Variants in MAEA observed in about 807,000 individuals in gnomAD.
MAEA encodes the protein E3 ubiquitin-protein transferase MAEA.
In MAEA, 22 loss-of-function variants were observed where a neutral mutation model predicts 46.2. That is an observed-to-expected ratio of 0.48 (90% confidence interval 0.34 to 0.68). The LOEUF is 0.68. MAEA is among the 30% of genes least tolerant of loss of function. The pLI, the probability that MAEA is intolerant of heterozygous loss-of-function variation, is 0.01. For missense variants in MAEA, 393 were observed against 558.1 expected, an observed-to-expected ratio of 0.70 and a Z score of 2.98; for synonymous variants, 246 against 222.6, an observed-to-expected ratio of 1.11 and a Z score of -0.94.
At chr4:1,335,202 G>A (rs192250057) in intron 6 of MAEA, 59 of 985,418 alleles carry the variant, frequency 6.0e-5, no homozygotes, top group Admixed American at 3.7e-4. Flanking sequence ...AACATGGACC[G>A]GTTGTTTTCC....
chr4:1,335,367 A>G (rs968641164), intron 6 of MAEA: 41 of 985,396 alleles, frequency 4.2e-5, no homozygotes, highest in Non-Finnish European at 4.5e-5. Flanking sequence ...TTCACAAGTG[A>G]GTGTAGCAGA....
intron 1 of MAEA, chr4:1,298,228 CCTTT>C (rs1289526990): frequency 2.6e-6 from 1 of 378,266 alleles, no homozygotes; most frequent in African/African-American, 2.1e-5. Context: ...CTCACTGTTT[CCTTT>C]CTTTTACTGG....
Position 1,306,855 on chromosome 4 carries a change from G to A in MAEA, c.70-5124G>A, listed in dbSNP as rs1430078235. On this transcript the variant is annotated intron_variant, in intron 1 of 8. Transcript: ENST00000303400. ...TTGTGTTTAGGTCCGTGATCCATTC[G>A]GAGGCACTTTTCATGGGATGTGAGG... Among the ~76,000 whole-genome samples, 4 of 152,280 alleles carry A rather than the reference G, an allele frequency of 2.6e-5. No individual in the cohort carries two copies. The South Asian group carries it at 8.3e-4, about 32-fold the overall frequency.
rs1415147227 is a variant in MAEA, at chr4:1,312,108, G to A, written c.199G>A (p.Val67Met). ...TLSGCPAVDS[V>M]VSLLDGVVEK... ...GAGCGGCTGCCCCGCCGTGGACTCC[G>A]TGGTCAGCCTGCTGGACGGCGTGGT... is the stretch of plus-strand genomic sequence containing the variant. Residue 67 changes from valine (V) to methionine (M), a missense_variant, in exon 2 of 9, where the codon GTG becomes ATG. Val to Met is a conservative substitution (Grantham distance 21). Transcript: ENST00000303400. 34 of 1,613,778 alleles carry A rather than the reference G, an allele frequency of 2.1e-5. No homozygotes were observed. The highest frequency in any genetic ancestry group is 2.9e-5 in the Non-Finnish European group (34 of 1,180,054).
Position 1,336,929 on chromosome 4 carries a change from C to T in MAEA, c.834C>T (p.His278=), listed in dbSNP as rs1712844234. ...QQFRYDNYRL[H]QLGNNSVFTL... ...TCCGGTACGACAACTACCGACTACA[C>T]CAGCTGGGAAACAATTCTGTGTTCA... The change falls in exon 7 of 9, where the codon CAC becomes CAT. Residue 278 remains histidine (H), a synonymous_variant. Transcript: ENST00000303400. 1 of 1,613,980 alleles carries T rather than the reference C, an allele frequency of 6.2e-7. No homozygotes were observed. The highest frequency in any genetic ancestry group is 1.1e-5 in the South Asian group (1 of 91,090).
At chr4:1,294,679 G>A (rs935609438) in intron 1 of MAEA, among the ~76,000 whole-genome samples, 1 of 152,026 alleles carries the variant, frequency 6.6e-6, no homozygotes, top group African/African-American at 2.4e-5. Flanking sequence ...GGGGAGACAA[G>A]TGAGGCCCCT....
chr4:1,326,901 C>T (rs918322068), intron 4 of MAEA, among the ~76,000 whole-genome samples: 20 of 152,114 alleles, frequency 1.3e-4, no homozygotes, highest in Admixed American at 7.8e-4. Context: ...CCCGCCCTAC[C>T]GACCTGGGTC....
chr4:1,334,576 G>A (rs918650488), intron 6 of MAEA, among the ~76,000 whole-genome samples: 9 of 152,236 alleles, frequency 5.9e-5, no homozygotes, highest in Admixed American at 3.9e-4. Flanking sequence ...CTGAGACTTC[G>A]GGCCTAGGCC....
intron 2 of MAEA, among the ~76,000 whole-genome samples, chr4:1,313,525 A>G (rs1736769252): frequency 6.6e-6 from 1 of 152,116 alleles, no homozygotes. Context: ...CAGGAGTTTG[A>G]GACCAGCCTG....
rs980247004 is a variant in MAEA, at chr4:1,311,325, C to T, written c.70-654C>T. On this transcript the variant is annotated intron_variant, in intron 1 of 8. Coordinates refer to ENST00000303400, the MANE Select transcript of MAEA (RefSeq NM_001017405.3). The surrounding 1 kb of genome is among the most constrained non-coding windows in gnomAD (Gnocchi z 4.4). ...CAAACCGTAGAGCACAGGAAACGGG[C>T]GGAGAAGAACTCAGCAGCGCTTCTC... Among the ~76,000 whole-genome samples the T allele has an allele frequency of 2.0e-5, 3 of 152,234 alleles. No individual in the cohort carries two copies. The highest frequency in any genetic ancestry group is 2.1e-4 in the South Asian group (1 of 4,836).
chr4:1,309,610 C>G, intron 1 of MAEA: 1 of 1,516,502 alleles, frequency 6.6e-7, no homozygotes, highest in Non-Finnish European at 8.8e-7. Context: ...GAGGAGCGTG[C>G]GCAGAGGCGT....
At chr4:1,323,653 C>A (rs775683464) in intron 4 of MAEA, 84 of 700,622 alleles carry the variant, frequency 1.2e-4, no homozygotes, top group Admixed American at 1.1e-3. Context: ...CCCCACACTC[C>A]CTCCCAGAGA....
chr4:1,339,722 A>G lies in MAEA; in HGVS notation c.*553A>G, dbSNP rs534298143. The G allele has an allele frequency of 2.8e-4, 44 of 155,398 alleles. No homozygotes were observed. Among genetic ancestry groups the G allele is most frequent in the Non-Finnish European group, 4.4e-4 (31 of 69,912 alleles). 9.6% of individuals were successfully genotyped at this position (155,398 alleles called of 1,614,324 possible). A position where few individuals can be genotyped will look rare whatever the true frequency, so the allele number is the denominator to read the frequency against. On this transcript the variant is annotated 3_prime_UTR_variant, in exon 9 of 9. Coordinates refer to ENST00000303400, the MANE Select transcript of MAEA (RefSeq NM_001017405.3). Reference sequence around the variant, plus strand: ...CCGCCACCGTCGGGGGCTGGCTTCGAGGACGCCCGCCTGCCTCGCGGGTCG... The same window carrying G: ...CCGCCACCGTCGGGGGCTGGCTTCGGGGACGCCCGCCTGCCTCGCGGGTCG...
chr4:1,325,440 C>T (rs1358112698), intron 4 of MAEA, among the ~76,000 whole-genome samples: 2 of 152,210 alleles, frequency 1.3e-5, no homozygotes, highest in South Asian at 2.1e-4. Context: ...CTAAGTTTCA[C>T]GACATAGACA....
intron 5 of MAEA, chr4:1,328,869 C>G: frequency 9.7e-7 from 1 of 1,034,642 alleles, no homozygotes; most frequent in Non-Finnish European, 1.2e-6. Flanking sequence ...AACGAGGTCC[C>G]TTCTGTGCCT....
chr4:1,306,247 A>C (rs1735819080), intron 1 of MAEA, among the ~76,000 whole-genome samples: 1 of 152,176 alleles, frequency 6.6e-6, no homozygotes, highest in South Asian at 2.1e-4. Flanking sequence ...CTGTGGTCTA[A>C]TTTGCATTTC....
At chr4:1,323,587 C>G (rs1738423016) in intron 4 of MAEA, 1 of 702,380 alleles carries the variant, frequency 1.4e-6, no homozygotes, top group African/African-American at 1.7e-5. Context: ...GTATGGAAAC[C>G]CTAAAAGGAA....
chr4:1,291,276 G>A (rs1734081614), intron 1 of MAEA, among the ~76,000 whole-genome samples: 1 of 152,152 alleles, frequency 6.6e-6, no homozygotes, highest in South Asian at 2.1e-4. Context: ...GGGCTGACAG[G>A]TGTGAGCCAC....
intron 2 of MAEA, 31 bp from the exon 3 acceptor site, chr4:1,315,366 C>A: frequency 1.2e-6 from 2 of 1,609,526 alleles, no homozygotes; most frequent in Non-Finnish European, 1.7e-6. Flanking sequence ...GCATCCCTGT[C>A]CTGAACGTGC....
Sources: gnomAD v4.1 joint callset for allele counts (sites outside exome capture counted in the v4.1 genomes callset) on GRCh38, gnomAD v4.1.1 for gene constraint, Gnocchi (gnomAD v3.1) non-coding constraint, MANE v1.5 for transcripts, NCBI Gene and HGNC (gene_info 2026-07-23, HGNC 2026-07-21) for gene names.